Variants in DPH6 observed in about 807,000 individuals in gnomAD.
DPH6 encodes the protein diphthine--ammonia ligase.
Under a neutral mutation model 38.2 loss-of-function variants are expected in DPH6, and 33 were observed. That is an observed-to-expected ratio of 0.86 (90% CI 0.65 to 1.15). The LOEUF (loss-of-function observed/expected upper bound fraction) is 1.15. DPH6 is among the 50% of genes most tolerant of loss of function. DPH6 has a pLI of 0.00. For missense variants in DPH6, 325 were observed against 320.0 expected (o/e 1.02, Z -0.12); for synonymous variants, 108 against 103.0 (o/e 1.05, Z -0.30).
chr15:35,327,407 G>T (rs890212245), downstream of DPH6, among the ~76,000 whole-genome samples: 2 of 146,832 alleles, frequency 1.4e-5, no homozygotes, highest in Non-Finnish European at 1.5e-5. Flanking sequence ...GTGCAGTGAC[G>T]CAATCTTGGC....
chr15:35,423,901 GCTCT>G (rs1158857100), intron 5 of DPH6, among the ~76,000 whole-genome samples: 1 of 151,474 alleles, frequency 6.6e-6, no homozygotes, highest in East Asian at 1.9e-4. Flanking sequence ...TTATTTCTAG[GCTCT>G]CTATTCTATT....
Position 35,279,199 on chromosome 15 carries a change from A to G in DPH6, n.201-58617T>C, listed in dbSNP as rs138206294. ...ATTTTGGAATGGGAATGTCTACCCA[A>G]TAAGTGCACCACCATTGTATCTTGG... is the stretch of plus-strand genomic sequence containing the variant. On this transcript the variant is annotated intron_variant and non_coding_transcript_variant, in intron 3 of 3. Coordinates refer to the DPH6 transcript ENST00000560386. 5.5e-3 allele frequency among the ~76,000 whole-genome samples: 841 copies of G among 151,954 alleles called. 3 individuals carry two copies. Among genetic ancestry groups the G allele is most frequent in the Non-Finnish European group, 8.0e-3 (543 of 67,982 alleles).
intron 3 of DPH6, among the ~76,000 whole-genome samples, chr15:35,491,708 TTTA>T (rs1355698458): frequency 1.0e-5 from 1 of 97,134 alleles, no homozygotes; most frequent in Non-Finnish European, 2.6e-5. Flanking sequence ...TATAAATATC[TTTA>T]TATATGTAGA....
At chr15:35,352,780 CT>C (rs1595495291) in intron 3 of DPH6, among the ~76,000 whole-genome samples, 1 of 152,138 alleles carries the variant, frequency 6.6e-6, no homozygotes, top group East Asian at 1.9e-4. Flanking sequence ...ATTTATAATC[CT>C]TTGGGTATAT....
chr15:35,475,062 A>G (rs2054248083), intron 3 of DPH6, among the ~76,000 whole-genome samples: 1 of 152,048 alleles, frequency 6.6e-6, no homozygotes, highest in South Asian at 2.1e-4. Flanking sequence ...CATCTGAATA[A>G]TGAAGCACTG....
Position 35,343,938 on chromosome 15 carries a change from G to A in DPH6, n.208-12861C>T, listed in dbSNP as rs2052442316. ...AAAAATGAGGAAGGCAGGAAGCTTT[G>A]CACAAAGGAGGCCACTCAACTAACA... On this transcript the variant is annotated intron_variant and non_coding_transcript_variant, in intron 3 of 3. Transcript: ENST00000558973. Among the ~76,000 whole-genome samples the A allele has an allele frequency of 2.0e-5, 3 of 152,060 alleles. 1 individual carries two copies. In the South Asian group the frequency reaches 6.2e-4, roughly 32 times the overall value.
At chr15:35,456,644 C>T (rs1439656945) in intron 3 of DPH6, among the ~76,000 whole-genome samples, 5 of 151,634 alleles carry the variant, frequency 3.3e-5, no homozygotes, top group Non-Finnish European at 5.9e-5. Flanking sequence ...TGTGCCACCA[C>T]GCCCAGCTAA....
At position 35,454,805 on chromosome 15, in the gene DPH6, C is replaced by T. The variant is rs755257307; in HGVS notation, c.328G>A (p.Glu110Lys). The change falls in exon 4 of 9, where the codon GAG (glutamate) becomes AAG (lysine). Residue 110 changes from glutamate (E) to lysine (K), a missense_variant. By Grantham distance (56) the Glu-to-Lys change is moderately conservative. Coordinates refer to ENST00000256538, the MANE Select transcript of DPH6 (RefSeq NM_080650.4). ...LKLVKEKEEVEGISVGAILSD... is the reference protein window; with the variant it reads ...LKLVKEKEEVKGISVGAILSD... ...AGTATAGCACCTACTGATATCCCCTCTACTTCTTCTTTTTCCTGAAAATAA... is the reference window on the plus strand; with the variant it reads ...AGTATAGCACCTACTGATATCCCCTTTACTTCTTCTTTTTCCTGAAAATAA... 6.3e-7 allele frequency: 1 copy of T among 1,599,278 alleles called. No homozygotes were observed. Among genetic ancestry groups the T allele is most frequent in the Non-Finnish European group, 8.5e-7 (1 of 1,175,326 alleles).
intron 3 of DPH6, among the ~76,000 whole-genome samples, chr15:35,365,621 A>T (rs1016806047): frequency 2.4e-4 from 37 of 152,088 alleles, no homozygotes; most frequent in Non-Finnish European, 3.8e-4. Flanking sequence ...TACTTTTATT[A>T]TTATCCTCTC....
At chr15:35,250,879 A>G (rs2051669216) in intron 3 of DPH6, among the ~76,000 whole-genome samples, 1 of 152,206 alleles carries the variant, frequency 6.6e-6, no homozygotes. Context: ...TGGCATTTAC[A>G]TTTATTTTTT....
At chr15:35,483,218 C>T (rs903920129) in intron 3 of DPH6, among the ~76,000 whole-genome samples, 11 of 151,962 alleles carry the variant, frequency 7.2e-5, no homozygotes, top group African/African-American at 2.4e-4. Context: ...GTAATCCCAG[C>T]ACTTTGGAGT....
intron 3 of DPH6, among the ~76,000 whole-genome samples, chr15:35,480,895 C>T (rs1566925833): frequency 6.6e-6 from 1 of 151,732 alleles, no homozygotes; most frequent in African/African-American, 2.4e-5. Flanking sequence ...TGTAATATCA[C>T]CATTTACAAA....
At chr15:35,501,552 A>G (rs1259722706) in intron 3 of DPH6, among the ~76,000 whole-genome samples, 1 of 152,140 alleles carries the variant, frequency 6.6e-6, no homozygotes, top group Admixed American at 6.6e-5. Flanking sequence ...CTTAAAGAAA[A>G]ATTTTAGGAG....
At chr15:35,235,723 T>C (rs369195165) in intron 3 of DPH6, among the ~76,000 whole-genome samples, 35 of 152,292 alleles carry the variant, frequency 2.3e-4, no homozygotes, top group African/African-American at 7.5e-4. Context: ...CTTTTGAAAA[T>C]GGAGGGTTCT....
At chr15:35,339,809 T>A (rs139580048) in intron 3 of DPH6, among the ~76,000 whole-genome samples, 1 of 152,312 alleles carries the variant, frequency 6.6e-6, no homozygotes, top group East Asian at 1.9e-4. Context: ...TCCGATTATG[T>A]GATCAACTTT....
the DPH6 span, among the ~76,000 whole-genome samples, chr15:35,159,406 T>TA: frequency 2.0e-5 from 3 of 151,878 alleles, no homozygotes; most frequent in Admixed American, 2.0e-4. Context: ...ATCTCTCATT[T>TA]AAAAAATACT....
chr15:35,537,737 GTAGCACCACCTCC>G (rs1191897571), intron 3 of DPH6, among the ~76,000 whole-genome samples: 2 of 151,888 alleles, frequency 1.3e-5, no homozygotes, highest in Admixed American at 6.6e-5. Flanking sequence ...ACAACCATAC[GTAGCACCACCTCC>G]ACAGCTATGC....
chr15:35,464,820 A>G (rs1239666880), intron 3 of DPH6, among the ~76,000 whole-genome samples: 1 of 152,194 alleles, frequency 6.6e-6, no homozygotes, highest in Non-Finnish European at 1.5e-5. Flanking sequence ...AGTGTCAAGA[A>G]CATACACACA....
chr15:35,278,322 T>C (rs2140433512), intron 3 of DPH6, among the ~76,000 whole-genome samples: 1 of 152,346 alleles, frequency 6.6e-6, no homozygotes, highest in Admixed American at 6.5e-5. Flanking sequence ...CCGTAATCCT[T>C]GGCAGCTTTC....
Sources: gnomAD v4.1 joint callset for allele counts (sites outside exome capture counted in the v4.1 genomes callset) on GRCh38, gnomAD v4.1.1 for gene constraint, MANE v1.5 for transcripts, NCBI Gene and HGNC (gene_info 2026-07-23, HGNC 2026-07-21) for gene names.